The following TMEM132B variants were observed in gnomAD, a reference collection of about 807,000 sequenced individuals.
The protein encoded by TMEM132B is transmembrane protein 132B.
A neutral mutation model predicts 90.8 loss-of-function variants in TMEM132B; 18 were observed. That is an observed-to-expected ratio of 0.20 (90% CI 0.14 to 0.29). The LOEUF (loss-of-function observed/expected upper bound fraction) is 0.29. Ranked by LOEUF, TMEM132B falls within the 10% of genes least tolerant of loss-of-function variation. The probability of loss-of-function intolerance (pLI) is 1.00; values close to 1 mark genes in which losing one functional copy is unlikely to be tolerated. For missense variants in TMEM132B, 1,096 were observed against 1,326.8 expected (o/e 0.83, Z 2.70); for synonymous variants, 504 against 523.3 (o/e 0.96, Z 0.50).
intron 4 of TMEM132B, among the ~76,000 whole-genome samples, chr12:125,561,177 G>A (rs1261376549): frequency 1.3e-5 from 2 of 152,140 alleles, no homozygotes; most frequent in Non-Finnish European, 2.9e-5. Context: ...ATACACCATG[G>A]AATACTATGC....
intron 1 of TMEM132B, among the ~76,000 whole-genome samples, chr12:125,300,296 G>T (rs527360016): frequency 6.6e-6 from 1 of 151,994 alleles, no homozygotes; most frequent in African/African-American, 2.4e-5. Context: ...TCAGCCTCCC[G>T]AAGCATTGGG....
At chr12:125,480,438 T>C in intron 3 of TMEM132B, among the ~76,000 whole-genome samples, 1 of 151,974 alleles carries the variant, frequency 6.6e-6, no homozygotes, top group Admixed American at 6.6e-5. Flanking sequence ...TCACCACCGA[T>C]CCCACAGAAA....
intron 2 of TMEM132B, among the ~76,000 whole-genome samples, chr12:125,388,918 A>G (rs1022878099): frequency 6.6e-6 from 1 of 152,082 alleles, no homozygotes; most frequent in African/African-American, 2.4e-5. Context: ...ACTAGTTACA[A>G]GGCAACAACA....
intron 3 of TMEM132B, among the ~76,000 whole-genome samples, chr12:125,456,020 GTAAATGAA>G (rs1187411220): frequency 6.6e-6 from 1 of 152,174 alleles, no homozygotes; most frequent in African/African-American, 2.4e-5. Flanking sequence ...CACAGAAGCA[GTAAATGAA>G]TGAGCGTGGC....
intron 4 of TMEM132B, among the ~76,000 whole-genome samples, chr12:125,535,918 G>A (rs1883782736): frequency 6.6e-6 from 1 of 152,318 alleles, no homozygotes; most frequent in Admixed American, 6.5e-5. Context: ...TTCCTTGGGG[G>A]ACTATGCCTC....
chr12:125,406,775 T>C lies in TMEM132B; in HGVS notation c.960-8756T>C, dbSNP rs1470064219. On this transcript the variant is annotated intron_variant, in intron 2 of 8. Coordinates refer to ENST00000682704, the MANE Select transcript of TMEM132B (RefSeq NM_001366854.1). The surrounding 1 kb of genome is among the most constrained non-coding windows in gnomAD (Gnocchi z 8.3). ...TGATGCCATCTGCAAGTCTGGAGGG[T>C]CCCCAAGACCACCCTCAGGTTCAGT... Among the ~76,000 whole-genome samples the C allele has an allele frequency of 2.0e-5, 3 of 151,932 alleles. No homozygotes were observed. The highest frequency in any genetic ancestry group is 2.1e-4 in the South Asian group (1 of 4,802).
At chr12:125,454,149 GT>G (rs1251867633) in intron 3 of TMEM132B, among the ~76,000 whole-genome samples, 1 of 152,126 alleles carries the variant, frequency 6.6e-6, no homozygotes, top group East Asian at 1.9e-4. Context: ...CCACGTTTCT[GT>G]TTTCAGAAAG....
chr12:125,473,337 C>G (rs933540305), intron 3 of TMEM132B, among the ~76,000 whole-genome samples: 1 of 152,144 alleles, frequency 6.6e-6, no homozygotes, highest in African/African-American at 2.4e-5. Context: ...TCTTATAGTC[C>G]CACAGCATTT....
At position 125,334,534 on chromosome 12, in the gene TMEM132B, T is replaced by G. The variant is rs565055912; in HGVS notation, c.68-14918T>G. ...GGGTTCCTTGGTTTGTTGTGTTTTG[T>G]AGAATGTCTTTGCCTTTTTTCTGCC... On this transcript the variant is annotated intron_variant, in intron 1 of 8. Transcript: ENST00000682704. 4.6e-5 allele frequency among the ~76,000 whole-genome samples: 7 copies of G among 152,366 alleles called. No individual in the cohort carries two copies. In the South Asian group the frequency reaches 1.4e-3, roughly 32 times the overall value.
chr12:125,647,743 A>G (rs945600073), intron 6 of TMEM132B, among the ~76,000 whole-genome samples: 5 of 152,224 alleles, frequency 3.3e-5, no homozygotes, highest in Admixed American at 6.5e-5. Flanking sequence ...AAAGGAAAGA[A>G]GAATGATAGA....
At chr12:125,335,765 T>A (rs1876936065) in intron 1 of TMEM132B, among the ~76,000 whole-genome samples, 1 of 152,268 alleles carries the variant, frequency 6.6e-6, no homozygotes, top group African/African-American at 2.4e-5. Context: ...GGTGAGAGGA[T>A]CACTTGAGAT....
chr12:125,519,122 G>T (rs1234996287), intron 3 of TMEM132B, among the ~76,000 whole-genome samples: 2 of 152,210 alleles, frequency 1.3e-5, no homozygotes, highest in Non-Finnish European at 2.9e-5. Context: ...ACTGTGGCAT[G>T]CCCGTGCCTG....
At chr12:125,240,325 G>A (rs1335663838) in intron 1 of TMEM132B, among the ~76,000 whole-genome samples, 1 of 152,134 alleles carries the variant, frequency 6.6e-6, no homozygotes, top group Non-Finnish European at 1.5e-5. Context: ...TGGTAGAACA[G>A]CCCTCACAGA....
At chr12:125,238,630 G>T (rs1441674409) in intron 1 of TMEM132B, among the ~76,000 whole-genome samples, 1 of 152,244 alleles carries the variant, frequency 6.6e-6, no homozygotes, top group East Asian at 1.9e-4. Flanking sequence ...TGTTCGGAAA[G>T]CTCCGAAGGC....
chr12:125,604,268 A>G (rs892641993), intron 5 of TMEM132B, among the ~76,000 whole-genome samples: 2 of 149,446 alleles, frequency 1.3e-5, no homozygotes, highest in African/African-American at 4.8e-5. Flanking sequence ...ATGCAGCCAT[A>G]AAAGGGAATG....
chr12:125,578,716 A>G (rs1884987626), intron 4 of TMEM132B, among the ~76,000 whole-genome samples: 1 of 152,184 alleles, frequency 6.6e-6, no homozygotes, highest in Non-Finnish European at 1.5e-5. Flanking sequence ...TTCTGGATAT[A>G]AAATTCTTGG....
intron 1 of TMEM132B, among the ~76,000 whole-genome samples, chr12:125,309,763 T>C (rs1274489535): frequency 6.6e-6 from 1 of 152,200 alleles, no homozygotes; most frequent in African/African-American, 2.4e-5. Flanking sequence ...TTATGATCAA[T>C]TGCTGCATAA....
intron 3 of TMEM132B, among the ~76,000 whole-genome samples, chr12:125,483,967 T>C (rs1005032180): frequency 2.6e-5 from 4 of 152,198 alleles, no homozygotes; most frequent in Admixed American, 6.5e-5. Context: ...ATGAACATAA[T>C]TGCTGGAGTC....
intron 4 of TMEM132B, among the ~76,000 whole-genome samples, chr12:125,524,531 T>C (rs1032545232): frequency 6.6e-6 from 1 of 152,242 alleles, no homozygotes; most frequent in African/African-American, 2.4e-5. Context: ...GCTCCAATTA[T>C]TTATCTGTAA....
Sources: allele counts gnomAD v4.1 joint callset (sites outside exome capture counted in the v4.1 genomes callset), GRCh38; gene constraint gnomAD v4.1.1; non-coding constraint Gnocchi (gnomAD v3.1); transcripts MANE v1.5; gene names NCBI Gene and HGNC (gene_info 2026-07-23, HGNC 2026-07-21).